Variants in RASGRF2 observed in about 807,000 individuals in gnomAD.
The protein encoded by RASGRF2 is ras-specific guanine nucleotide-releasing factor 2.
A neutral mutation model predicts 151.0 loss-of-function variants in RASGRF2; 76 were observed. The ratio of observed to expected loss-of-function variants is 0.50; its 90% CI spans 0.42 to 0.61. The LOEUF is 0.61. RASGRF2 is among the 20% of genes least tolerant of loss of function. The probability of loss-of-function intolerance (pLI) is 0.00; values close to 1 mark genes in which losing one functional copy is unlikely to be tolerated. For missense variants in RASGRF2, 1,148 were observed against 1,564.6 expected, an observed-to-expected ratio of 0.73 and a Z score of 4.49; for synonymous variants, 504 against 566.5, an observed-to-expected ratio of 0.89 and a Z score of 1.57.
chr5:80,961,766 T>G (rs553025203), intron 1 of RASGRF2, among the ~76,000 whole-genome samples: 3 of 152,212 alleles, frequency 2.0e-5, no homozygotes, highest in Non-Finnish European at 4.4e-5. Context: ...ATAATTTTAT[T>G]AGTTTTGCTG....
chr5:80,961,206 TCCC>T (rs1747543147), intron 1 of RASGRF2, among the ~76,000 whole-genome samples, 180 bp downstream of exon 1: 1 of 152,166 alleles, frequency 6.6e-6, no homozygotes, highest in Non-Finnish European at 1.5e-5. Flanking sequence ...CCAGGGATTC[TCCC>T]ATCTCCATAC....
intron 23 of RASGRF2, among the ~76,000 whole-genome samples, chr5:81,213,931 G>A (rs990956665): frequency 3.8e-4 from 58 of 152,138 alleles, no homozygotes; most frequent in African/African-American, 1.2e-3. Flanking sequence ...GAAATAACGC[G>A]GGGATTCCCT....
chr5:80,995,399 T>C lies in RASGRF2; in HGVS notation c.288+34373T>C, dbSNP rs767119916. On this transcript the variant is annotated intron_variant, in intron 1 of 26. Transcript: ENST00000265080. ...AATTTCATATATATATATATATATA[T>C]ACACACACACACACACACAGGCAGG... 8.1e-3 allele frequency among the ~76,000 whole-genome samples: 969 copies of C among 119,788 alleles called. 4 individuals carry two copies. Among genetic ancestry groups the C allele is most frequent in the African/African-American group, 0.028 (857 of 30,646 alleles). The allele number at this position is 119,788 out of a possible 152,430, so 78.6% of individuals were successfully genotyped here.
At chr5:81,222,360 T>C (rs7732785) in intron 26 of RASGRF2, among the ~76,000 whole-genome samples, 31,606 of 152,168 alleles carry the variant, frequency 0.21, 3,389 homozygotes, top group Middle Eastern at 0.31. Context: ...TTTCTTTTAA[T>C]AGCCCCTAGG....
At chr5:81,201,897 C>T (rs898246800) in intron 19 of RASGRF2, among the ~76,000 whole-genome samples, 4 of 152,170 alleles carry the variant, frequency 2.6e-5, no homozygotes, top group Non-Finnish European at 5.9e-5. Flanking sequence ...TTTTCTTTGG[C>T]TCATTTCACT....
chr5:81,080,726 T>C lies in RASGRF2; in HGVS notation c.1098T>C (p.Tyr366=). Residue 366 remains tyrosine (Y), a synonymous_variant, in exon 7 of 27, where the codon TAT becomes TAC. Coordinates refer to ENST00000265080, the MANE Select transcript of RASGRF2 (RefSeq NM_006909.3). ...ATTTTGACAAACTCTTAAAACAGTA[T>C]GAAGCCAATCCAGCCTGTGAGGGGA... ...NRDFDKLLKQ[Y]EANPACEGRM... 6.2e-7 allele frequency: 1 copy of C among 1,614,244 alleles called. No individual in the cohort carries two copies. Among genetic ancestry groups the C allele is most frequent in the Non-Finnish European group, 8.5e-7 (1 of 1,180,036 alleles).
chr5:81,216,207 G>A (rs914574004), intron 24 of RASGRF2, among the ~76,000 whole-genome samples: 7 of 151,914 alleles, frequency 4.6e-5, no homozygotes, highest in African/African-American at 7.3e-5. Flanking sequence ...ATAATAAATC[G>A]GACTATCTTT....
At chr5:81,029,351 C>G (rs1194973264) in intron 1 of RASGRF2, among the ~76,000 whole-genome samples, 1 of 152,244 alleles carries the variant, frequency 6.6e-6, no homozygotes, top group African/African-American at 2.4e-5. Context: ...ACTGCCTCCT[C>G]AAGTGGGTCC....
At chr5:81,126,058 G>C (rs1265450377) in intron 16 of RASGRF2, among the ~76,000 whole-genome samples, 3 of 152,230 alleles carry the variant, frequency 2.0e-5, no homozygotes, top group Non-Finnish European at 4.4e-5. Context: ...CTTAACGTGT[G>C]TATTTATTTT....
intron 1 of RASGRF2, among the ~76,000 whole-genome samples, chr5:80,986,765 C>T (rs2052482): frequency 0.2 from 30,107 of 152,082 alleles, 3,754 homozygotes; most frequent in Middle Eastern, 0.4. Context: ...TCAGTTGAAC[C>T]GCTAGGTGAC....
intron 3 of RASGRF2, among the ~76,000 whole-genome samples, chr5:81,068,454 A>G (rs1429850665): frequency 6.6e-6 from 1 of 151,514 alleles, no homozygotes; most frequent in Non-Finnish European, 1.5e-5. Context: ...TTAGCTCAGA[A>G]ATTCAAGAAT....
chr5:81,190,556 A>G (rs916087137), intron 18 of RASGRF2, among the ~76,000 whole-genome samples: 1 of 152,278 alleles, frequency 6.6e-6, no homozygotes, highest in African/African-American at 2.4e-5. Flanking sequence ...ATGAAATGTA[A>G]GAAACTATTA....
intron 1 of RASGRF2, among the ~76,000 whole-genome samples, chr5:80,992,204 A>ACACATACACACACACACACAC (rs1554083300): frequency 2.6e-5 from 4 of 152,210 alleles, no homozygotes; most frequent in African/African-American, 4.8e-5. Flanking sequence ...ACACAGAGAC[A>ACACATACACACACACACACAC]AGAGAGAGGA....
intron 2 of RASGRF2, among the ~76,000 whole-genome samples, chr5:81,058,832 AATAAATCATATTAGATG>A (rs993885111): frequency 1.4e-4 from 21 of 151,896 alleles, no homozygotes; most frequent in African/African-American, 4.8e-4. Context: ...TATTAGATGA[AATAAATCATATTAGATG>A]ATAAATCATA....
At chr5:81,221,251 T>G (rs2112751025) in intron 26 of RASGRF2, among the ~76,000 whole-genome samples, 1 of 152,258 alleles carries the variant, frequency 6.6e-6, no homozygotes, top group Admixed American at 6.5e-5. Context: ...ACCCCACACC[T>G]AAGGAATGGA....
intron 2 of RASGRF2, among the ~76,000 whole-genome samples, chr5:81,066,667 C>A (rs1751616390): frequency 6.6e-6 from 1 of 152,232 alleles, no homozygotes; most frequent in Admixed American, 6.5e-5. Flanking sequence ...GTCGGACTCA[C>A]TTTGACTGTT....
chr5:81,184,472 G>A (rs140541217), intron 18 of RASGRF2, among the ~76,000 whole-genome samples: 2 of 152,232 alleles, frequency 1.3e-5, no homozygotes, highest in East Asian at 1.9e-4. Flanking sequence ...CTCAATTACC[G>A]TATTGACCAA....
chr5:81,215,783 C>T (rs1159483350), intron 23 of RASGRF2, 93 bp from the exon 24 acceptor site: 1 of 1,363,704 alleles, frequency 7.3e-7, no homozygotes, highest in African/African-American at 1.5e-5. Flanking sequence ...CAGCACCTGT[C>T]ACCAAAGAAG....
intron 2 of RASGRF2, among the ~76,000 whole-genome samples, chr5:81,065,453 GTTC>G (rs1751573810): frequency 1.3e-5 from 2 of 152,240 alleles, no homozygotes; most frequent in East Asian, 3.9e-4. Flanking sequence ...CTTCATTAGA[GTTC>G]TTCTTTAGGA....
Sources: gnomAD v4.1 joint callset for allele counts (sites outside exome capture counted in the v4.1 genomes callset) on GRCh38, gnomAD v4.1.1 for gene constraint, MANE v1.5 for transcripts, NCBI Gene and HGNC (gene_info 2026-07-23, HGNC 2026-07-21) for gene names.